The following ASRGL1 variants were observed in gnomAD, a reference collection of about 807,000 sequenced individuals.
The protein encoded by ASRGL1 is asparaginase and isoaspartyl peptidase 1.
Under a neutral mutation model 22.4 loss-of-function variants are expected in ASRGL1, and 16 were observed. The ratio of observed to expected loss-of-function variants is 0.71; its 90% CI spans 0.48 to 1.08. The LOEUF (loss-of-function observed/expected upper bound fraction) is 1.08, where lower values mean the gene tolerates loss of function less well. ASRGL1 is among the 50% of genes least tolerant of loss of function. The pLI is 0.00. For missense variants in ASRGL1, 412 were observed against 410.1 expected (o/e 1.00, Z -0.04); for synonymous variants, 165 against 159.3 (o/e 1.04, Z -0.27).
intron 4 of ASRGL1, among the ~76,000 whole-genome samples, chr11:62,364,381 T>C (rs1946559906): frequency 6.6e-6 from 1 of 152,158 alleles, no homozygotes; most frequent in Admixed American, 6.5e-5. Context: ...TTGTCAACTT[T>C]CAGTCATGTG....
At chr11:62,383,896 A>C (rs1477685569) in intron 4 of ASRGL1, among the ~76,000 whole-genome samples, 1 of 142,606 alleles carries the variant, frequency 7.0e-6, no homozygotes, top group Non-Finnish European at 1.5e-5. Context: ...CCTGGGCGAC[A>C]GGGCAAGAGT....
chr11:62,349,336 A>G lies in ASRGL1; in HGVS notation c.191-6989A>G, dbSNP rs183889798. Among the ~76,000 whole-genome samples, 21 of 152,308 alleles carry G rather than the reference A, an allele frequency of 1.4e-4. No homozygotes were observed. The East Asian group carries it at 2.7e-3, about 20-fold the overall frequency. On this transcript the variant is annotated intron_variant, in intron 2 of 6. Transcript: ENST00000415229. ...CAAGGCCTGTTATCCTTTTAACTATAGCCTAAATGTCTCTCAAAGTTAGCT... is the reference window on the plus strand; with the variant it reads ...CAAGGCCTGTTATCCTTTTAACTATGGCCTAAATGTCTCTCAAAGTTAGCT...
Position 62,356,311 on chromosome 11 carries a change from CT to C in ASRGL1, c.191-9del. On this transcript the variant is annotated splice_polypyrimidine_tract_variant and intron_variant, in intron 2 of 6. Coordinates refer to ENST00000415229, the MANE Select transcript of ASRGL1 (RefSeq NM_001083926.2). ...ATTCTTAATTCTTGCTTTTCAACTTCTTTTTGGTTTTAGGTTGTGGGTCTGT... is the reference window on the plus strand; with the variant it reads ...ATTCTTAATTCTTGCTTTTCAACTTCTTTTGGTTTTAGGTTGTGGGTCTGT... 6.2e-7 allele frequency: 1 copy of C among 1,610,838 alleles called. No homozygotes were observed. The highest frequency in any genetic ancestry group is 8.5e-7 in the Non-Finnish European group (1 of 1,178,046).
chr11:62,354,960 G>A (rs77069766), intron 2 of ASRGL1, among the ~76,000 whole-genome samples: 1 of 148,456 alleles, frequency 6.7e-6, no homozygotes, highest in Non-Finnish European at 1.5e-5. Context: ...TTTTTTTTTT[G>A]AAACGGAGTC....
chr11:62,352,998 A>G (rs1565156422), intron 2 of ASRGL1, among the ~76,000 whole-genome samples: 1 of 152,036 alleles, frequency 6.6e-6, no homozygotes. Context: ...TTCAGGCATT[A>G]TTTTTTTGAA....
chr11:62,360,100 C>T lies in ASRGL1; in HGVS notation c.491+2956C>T, dbSNP rs112936639. On this transcript the variant is annotated intron_variant, in intron 4 of 6. Coordinates refer to ENST00000415229, the MANE Select transcript of ASRGL1 (RefSeq NM_001083926.2). ...AGGCTGGAGTGCAGTGGCACGATCT[C>T]GGCTTACTGCAACCTCTGCCTCCCA... Among the ~76,000 whole-genome samples the T allele has an allele frequency of 5.3e-3, 792 of 149,796 alleles. 4 individuals are homozygous for T. The highest frequency in any genetic ancestry group is 0.015 in the African/African-American group (623 of 40,886).
In ASRGL1 at chr11:62,363,241, T is replaced by A. The variant is rs1946527518; in HGVS notation, c.491+6097T>A. On this transcript the variant is annotated intron_variant, in intron 4 of 6. Coordinates refer to ENST00000415229, the MANE Select transcript of ASRGL1 (RefSeq NM_001083926.2). The stretch of plus-strand genomic sequence containing the variant: ...AACCACCATGCCTGGCCGATTTAAA[T>A]TTTTTTTAAGTTTATAGAAACAAAA... 4.0e-5 allele frequency among the ~76,000 whole-genome samples: 6 copies of A among 151,720 alleles called. No individual in the cohort carries two copies. In the South Asian group the frequency reaches 1.3e-3, roughly 32 times the overall value.
intron 6 of ASRGL1, 79 bp from the exon 7 acceptor site, chr11:62,392,000 C>G: frequency 6.6e-7 from 1 of 1,510,188 alleles, no homozygotes; most frequent in Non-Finnish European, 9.2e-7. Flanking sequence ...CTCACTTTGG[C>G]ATTTCAAATG....
chr11:62,382,251 A>G (rs930952125), intron 4 of ASRGL1: 1 of 152,010 alleles, frequency 6.6e-6, no homozygotes, highest in East Asian at 1.9e-4. Flanking sequence ...ACCGGTGCTC[A>G]GCATACGGAG....
chr11:62,363,291 A>G (rs190538367), intron 4 of ASRGL1, among the ~76,000 whole-genome samples: 94 of 152,180 alleles, frequency 6.2e-4, no homozygotes, highest in African/African-American at 2.2e-3. Context: ...GAGATATACA[A>G]CAAAAATGAT....
chr11:62,362,283 G>A (rs1420923222), intron 4 of ASRGL1, among the ~76,000 whole-genome samples: 4 of 150,950 alleles, frequency 2.6e-5, no homozygotes, highest in South Asian at 4.2e-4. Context: ...GAATACCAAC[G>A]AAATGCTGTT....
chr11:62,388,443 T>G (rs11231071), intron 4 of ASRGL1, among the ~76,000 whole-genome samples: 42,127 of 151,844 alleles, frequency 0.28, 5,940 homozygotes, highest in South Asian at 0.36. Context: ...AAGGCAGGCG[T>G]ATCACCTGAG....
chr11:62,356,374 T>C lies in ASRGL1; in HGVS notation c.240T>C (p.Ser80=). The change falls in exon 3 of 7, where the codon AGT becomes AGC. Residue 80 remains serine, a synonymous_variant. Coordinates refer to ENST00000415229, the MANE Select transcript of ASRGL1 (RefSeq NM_001083926.2). ...NTNGEVEMDA[S]IMDGKDLSAG... is the part of the protein sequence containing the mutation. ...ATGGTGAGGTTGAAATGGATGCTAG[T>C]ATCATGGATGGAAAAGACCTGTCTG... 1 of 1,614,194 alleles carries C rather than the reference T, an allele frequency of 6.2e-7. No individual in the cohort carries two copies. The highest frequency in any genetic ancestry group is 8.5e-7 in the Non-Finnish European group (1 of 1,179,968).
At chr11:62,357,298 G>A in intron 4 of ASRGL1, 154 bp downstream of exon 4, 1 of 894,284 alleles carries the variant, frequency 1.1e-6, no homozygotes, top group South Asian at 1.9e-5. Context: ...TGCCCAGACT[G>A]GAGTACAGTG....
intron 4 of ASRGL1, among the ~76,000 whole-genome samples, chr11:62,367,316 C>G (rs1052179397): frequency 6.7e-6 from 1 of 149,038 alleles, no homozygotes; most frequent in African/African-American, 2.5e-5. Flanking sequence ...CCAGCCTGGG[C>G]GACAGAGTGA....
intron 4 of ASRGL1, among the ~76,000 whole-genome samples, chr11:62,367,303 A>G (rs1293935786): frequency 1.3e-5 from 2 of 151,204 alleles, no homozygotes; most frequent in Admixed American, 6.6e-5. Context: ...ACGCCACTGC[A>G]CTCCAGCCTG....
At position 62,391,617 on chromosome 11, in the gene ASRGL1, T is replaced by A; in HGVS notation, c.706T>A (p.Phe236Ile). 1.2e-6 allele frequency: 2 copies of A among 1,609,852 alleles called. No homozygotes were observed. Among genetic ancestry groups the A allele is most frequent in the Non-Finnish European group, 1.7e-6 (2 of 1,177,912 alleles). Residue 236 changes from phenylalanine (F) to isoleucine (I), a missense_variant, in exon 6 of 7, where the codon TTC (phenylalanine) becomes ATC (isoleucine). By Grantham distance (21) the Phe-to-Ile change is conservative. Transcript: ENST00000415229. Reference protein sequence around the residue: ...LKVNLARLTLFHIEQGKTVEE... With the variant: ...LKVNLARLTLIHIEQGKTVEE... ...GGTGAACCTGGCTAGACTCACCCTG[T>A]TCCACATAGAACAAGGTACACAGAC...
chr11:62,354,900 G>A, intron 2 of ASRGL1, among the ~76,000 whole-genome samples: 1 of 151,930 alleles, frequency 6.6e-6, no homozygotes, highest in African/African-American at 2.4e-5. Flanking sequence ...GAAGGGCTTT[G>A]TACTTTTTTA....
Position 62,388,420 on chromosome 11 carries a change from A to G in ASRGL1, c.492-713A>G, listed in dbSNP as rs1203141141. 6.6e-5 allele frequency among the ~76,000 whole-genome samples: 10 copies of G among 152,236 alleles called. No individual in the cohort carries two copies. In the East Asian group the frequency reaches 1.7e-3, roughly 27 times the overall value. On this transcript the variant is annotated intron_variant, in intron 4 of 6. Transcript: ENST00000415229. The stretch of plus-strand genomic sequence containing the variant: ...AGTGGCTCACGCCTGTAACCCCAGC[A>G]CTTTGGGAGTCCAAGGCAGGCGTAT...
Sources: gnomAD v4.1 joint callset for allele counts (sites outside exome capture counted in the v4.1 genomes callset) on GRCh38, gnomAD v4.1.1 for gene constraint, MANE v1.5 for transcripts, NCBI Gene and HGNC (gene_info 2026-07-23, HGNC 2026-07-21) for gene names.